TAB2: variants seen among roughly 807,000 people sequenced by gnomAD.
TAB2 encodes TGF-beta-activated kinase 1 and MAP3K7-binding protein 2.
Under a neutral mutation model 65.0 loss-of-function variants are expected in TAB2, and 3 were observed. The observed-to-expected ratio is 0.05, with a 90% CI of 0.02 to 0.12. TAB2 has a LOEUF of 0.12. Among genes scored for constraint, TAB2 ranks in the 10% least tolerant of loss-of-function variants. TAB2 has a pLI of 1.00. For synonymous variants in TAB2, 298 were observed against 285.1 expected (o/e 1.05, Z -0.46); for missense variants, 623 against 840.3 (o/e 0.74, Z 3.20).
chr6:149,388,945 A>G (rs1164407781), intron 3 of TAB2, among the ~76,000 whole-genome samples: 1 of 148,774 alleles, frequency 6.7e-6, no homozygotes, highest in Non-Finnish European at 1.5e-5. Context: ...AAAAAAGAAT[A>G]ACAGAAATCT....
intron 3 of TAB2, among the ~76,000 whole-genome samples, chr6:149,388,895 G>A (rs1166263793): frequency 6.7e-6 from 1 of 149,646 alleles, no homozygotes; most frequent in Non-Finnish European, 1.5e-5. Context: ...TCTGGGTTTT[G>A]TGTCTTATTT....
rs80053319 is a variant in TAB2 at position 149,291,115 on chromosome 6, A to G, written c.-121+72339A>G. Among the ~76,000 whole-genome samples the G allele has an allele frequency of 2.9e-3, 445 of 152,344 alleles. 6 individuals carry two copies. In the East Asian group the frequency reaches 0.042, roughly 14 times the overall value. The stretch of plus-strand genomic sequence containing the variant: ...GTTCCAATTTGTTAAAATCAAACAC[A>G]AGCCCTGAGTTCCTGCTTTAGGCAG... On this transcript the variant is annotated intron_variant, in intron 1 of 1. Transcript: ENST00000606202.
At chr6:149,280,266 G>C (rs537027428) in intron 1 of TAB2, among the ~76,000 whole-genome samples, 2 of 152,140 alleles carry the variant, frequency 1.3e-5, no homozygotes, top group Non-Finnish European at 2.9e-5. Flanking sequence ...TGGTTGTGAA[G>C]ATTAAATGAT....
intron 1 of TAB2, among the ~76,000 whole-genome samples, chr6:149,296,609 A>G (rs1357309216): frequency 1.3e-5 from 2 of 152,238 alleles, no homozygotes; most frequent in East Asian, 3.8e-4. Flanking sequence ...GATTAACATT[A>G]TTGTAAACAG....
chr6:149,291,312 T>C (rs1778771487), intron 1 of TAB2: 1 of 152,258 alleles, frequency 6.6e-6, no homozygotes. Flanking sequence ...CTTCAGAATT[T>C]TACTGTGACT....
chr6:149,250,281 T>C (rs900314389), intron 1 of TAB2, among the ~76,000 whole-genome samples: 2 of 151,202 alleles, frequency 1.3e-5, no homozygotes, highest in African/African-American at 4.9e-5. Context: ...AACCTTAGTG[T>C]GTAGACAGTG....
chr6:149,248,145 A>C (rs1777765962), intron 1 of TAB2, among the ~76,000 whole-genome samples: 1 of 152,136 alleles, frequency 6.6e-6, no homozygotes. Flanking sequence ...TAATCCCAGC[A>C]CTTTGGGAGG....
intron 1 of TAB2, among the ~76,000 whole-genome samples, chr6:149,366,148 CAATT>C (rs1266193067): frequency 6.6e-6 from 1 of 152,010 alleles, no homozygotes; most frequent in Non-Finnish European, 1.5e-5. Flanking sequence ...TTATGTGTAA[CAATT>C]TTGGATTTTA....
chr6:149,320,193 C>T (rs1279720068), intron 1 of TAB2, among the ~76,000 whole-genome samples: 1 of 152,196 alleles, frequency 6.6e-6, no homozygotes, highest in Non-Finnish European at 1.5e-5. Context: ...TCTCCCGCCT[C>T]AGCCTTCCCA....
chr6:149,227,251 G>A (rs1244338965), intron 1 of TAB2, among the ~76,000 whole-genome samples: 1 of 152,122 alleles, frequency 6.6e-6, no homozygotes, highest in African/African-American at 2.4e-5. Flanking sequence ...TAAATGACTA[G>A]GTACTATGTC....
chr6:149,378,544 G>A lies in TAB2; in HGVS notation c.629G>A (p.Gly210Glu). 6.2e-7 allele frequency: 1 copy of A among 1,614,048 alleles called. No homozygotes were observed. Among genetic ancestry groups the A allele is most frequent in the Non-Finnish European group, 8.5e-7 (1 of 1,180,022 alleles). ...CCACCTGTACTTAACAGTCCACAGG[G>A]AAATTCTATCTATATTAGGCCTTAC... The part of the protein sequence containing the change: ...VPPPVLNSPQ[G>E]NSIYIRPYIT... Residue 210 changes from glycine to glutamate, a missense_variant, in exon 3 of 7, where the codon GGA (glycine) becomes GAA (glutamate). Physicochemically the swap from Gly to Glu is moderately conservative, Grantham distance 98. Around this residue, in one of 3 missense-constraint regions of TAB2, gnomAD observed 550 missense variants for 665.7 expected, o/e 0.83. Transcript: ENST00000637181.
rs1778614601 is a variant in TAB2, at chr6:149,283,564, G to A, written c.-121+64788G>A. On this transcript the variant is annotated intron_variant, in intron 1 of 1. Coordinates refer to the TAB2 transcript ENST00000606202. ...GTCTCTACTAAAAATACAAAAATTAGCCAGGCAAGGTGGTGCACGCCTGTA... is the reference window on the plus strand; with the variant it reads ...GTCTCTACTAAAAATACAAAAATTAACCAGGCAAGGTGGTGCACGCCTGTA... Among the ~76,000 whole-genome samples the A allele has an allele frequency of 2.0e-5, 3 of 152,128 alleles. No individual in the cohort carries two copies. In the South Asian group the frequency reaches 6.2e-4, roughly 32 times the overall value.
intron 3 of TAB2, among the ~76,000 whole-genome samples, chr6:149,383,681 C>G (rs1272782821): frequency 6.6e-6 from 1 of 152,240 alleles, no homozygotes; most frequent in African/African-American, 2.4e-5. Context: ...CTCCCGGATT[C>G]AAGCAGTTCT....
At chr6:149,239,032 C>A (rs1341413084) in intron 1 of TAB2, among the ~76,000 whole-genome samples, 3 of 152,156 alleles carry the variant, frequency 2.0e-5, no homozygotes, top group Non-Finnish European at 4.4e-5. Flanking sequence ...ATCTCTGGGA[C>A]CTCTACAAGG....
chr6:149,267,758 C>T (rs925035273), intron 1 of TAB2, among the ~76,000 whole-genome samples: 3 of 152,112 alleles, frequency 2.0e-5, no homozygotes, highest in Non-Finnish European at 4.4e-5. Context: ...CCTATTGCTC[C>T]TAGGTGACAA....
intron 1 of TAB2, among the ~76,000 whole-genome samples, chr6:149,272,333 G>A (rs143674491): frequency 1.4e-3 from 217 of 152,264 alleles, no homozygotes; most frequent in African/African-American, 4.9e-3. Flanking sequence ...CTTAAACAAC[G>A]CAGACATATT....
chr6:149,290,916 C>T (rs1002846116), intron 1 of TAB2, among the ~76,000 whole-genome samples: 3 of 152,162 alleles, frequency 2.0e-5, no homozygotes, highest in East Asian at 1.9e-4. Flanking sequence ...GGCTGTTGAA[C>T]GAATGAATTA....
At chr6:149,401,197 T>TA (rs936976757) in intron 6 of TAB2, 57 of 160,176 alleles carry the variant, frequency 3.6e-4, no homozygotes, top group African/African-American at 4.7e-4. Context: ...TAAATTACTC[T>TA]AAAAAAAAAA....
At chr6:149,406,422 AAAAC>A (rs1044400277) in intron 6 of TAB2, among the ~76,000 whole-genome samples, 1 of 152,202 alleles carries the variant, frequency 6.6e-6, no homozygotes, top group African/African-American at 2.4e-5. Flanking sequence ...GAGGTTGAGA[AAAAC>A]AAAATTAGGA....
Sources: gnomAD v4.1 joint callset for allele counts (sites outside exome capture counted in the v4.1 genomes callset) on GRCh38, gnomAD v4.1.1 for gene constraint, gnomAD v4.1.1 regional missense constraint, MANE v1.5 for transcripts, NCBI Gene and HGNC (gene_info 2026-07-23, HGNC 2026-07-21) for gene names.